Variants in PRR16 observed in about 807,000 individuals in gnomAD.
The protein encoded by PRR16 is protein Largen.
In PRR16, 6 loss-of-function variants were observed where a neutral mutation model predicts 18.2. The observed-to-expected ratio is 0.33, with a 90% CI of 0.18 to 0.65. The LOEUF is 0.65. Ranked by LOEUF, PRR16 falls within the 30% of genes least tolerant of loss-of-function variation. The pLI, the probability that PRR16 is intolerant of heterozygous loss-of-function variation, is 0.74. For synonymous variants in PRR16, 151 were observed against 147.8 expected, an observed-to-expected ratio of 1.02 and a Z score of -0.16; for missense variants, 412 against 376.6, an observed-to-expected ratio of 1.09 and a Z score of -0.78.
chr5:120,509,985 C>T (rs1356904512), intron 1 of PRR16, among the ~76,000 whole-genome samples: 1 of 152,092 alleles, frequency 6.6e-6, no homozygotes, highest in African/African-American at 2.4e-5. Flanking sequence ...GTTCTTTACA[C>T]ATCCATGTTT....
chr5:120,507,676 A>T (rs1750690179), intron 1 of PRR16, among the ~76,000 whole-genome samples: 1 of 152,046 alleles, frequency 6.6e-6, no homozygotes, highest in Admixed American at 6.6e-5. Flanking sequence ...TATTTTTTTA[A>T]TTAAAAGTTG....
At chr5:120,568,665 G>A (rs552821340) in intron 1 of PRR16, among the ~76,000 whole-genome samples, 3 of 151,988 alleles carry the variant, frequency 2.0e-5, no homozygotes, top group African/African-American at 4.8e-5. Context: ...TTAAAATTTT[G>A]TAGTGAACAG....
chr5:120,491,845 A>G (rs1750062759), intron 1 of PRR16, among the ~76,000 whole-genome samples: 1 of 152,102 alleles, frequency 6.6e-6, no homozygotes, highest in Non-Finnish European at 1.5e-5. Context: ...TGCCCAGCTG[A>G]CATACACTTT....
chr5:120,588,385 C>T (rs1013022140), intron 1 of PRR16, among the ~76,000 whole-genome samples: 3 of 152,134 alleles, frequency 2.0e-5, no homozygotes, highest in Admixed American at 6.6e-5. Flanking sequence ...AGTCCATTCA[C>T]GTGGCAAATT....
At chr5:120,763,652 C>A in the PRR16 span, among the ~76,000 whole-genome samples, 1 of 151,888 alleles carries the variant, frequency 6.6e-6, no homozygotes, top group Non-Finnish European at 1.5e-5. Flanking sequence ...ATAGTATGGT[C>A]GTTTTAACAA....
intron 1 of PRR16, among the ~76,000 whole-genome samples, chr5:120,485,037 G>A (rs2691099): frequency 1 from 151,775 of 152,002 alleles, 75,774 homozygotes; most frequent in East Asian, 1. Flanking sequence ...CTTTTGGAAA[G>A]TAATCTTTAC....
chr5:120,764,276 T>C, the PRR16 span, among the ~76,000 whole-genome samples: 1 of 152,254 alleles, frequency 6.6e-6, no homozygotes, highest in South Asian at 2.1e-4. Context: ...GAAATCATAT[T>C]GAATTTTACC....
At chr5:120,720,031 A>G in the PRR16 span, among the ~76,000 whole-genome samples, 1 of 152,120 alleles carries the variant, frequency 6.6e-6, no homozygotes, top group Admixed American at 6.6e-5. Flanking sequence ...TTTATCAGTT[A>G]CTTAGGCCCA....
chr5:120,623,910 T>C (rs993008042), intron 1 of PRR16, among the ~76,000 whole-genome samples: 5 of 151,878 alleles, frequency 3.3e-5, no homozygotes, highest in African/African-American at 1.2e-4. Context: ...ACATAATATA[T>C]AATAATATAT....
At chr5:120,781,099 AAC>A in the PRR16 span, 1 of 152,156 alleles carries the variant, frequency 6.6e-6, no homozygotes, top group Non-Finnish European at 1.5e-5. Flanking sequence ...ATATTATGTT[AAC>A]ATTTATTTCA....
At chr5:120,611,532 G>A (rs1182719912) in intron 1 of PRR16, among the ~76,000 whole-genome samples, 1 of 152,168 alleles carries the variant, frequency 6.6e-6, no homozygotes, top group Admixed American at 6.5e-5. Context: ...TGCCAGCCTT[G>A]GTTGAAAGGG....
intron 1 of PRR16, among the ~76,000 whole-genome samples, chr5:120,659,770 T>C (rs182263901): frequency 1.3e-5 from 2 of 152,124 alleles, no homozygotes; most frequent in Non-Finnish European, 2.9e-5. Context: ...TTGACATTCT[T>C]GGATCAAAAA....
chr5:120,721,589 G>C, the PRR16 span, among the ~76,000 whole-genome samples: 1 of 152,024 alleles, frequency 6.6e-6, no homozygotes, highest in Non-Finnish European at 1.5e-5. Flanking sequence ...AGAAAGAACA[G>C]GGAGGTCAGT....
chr5:120,693,066 A>C, the PRR16 span, among the ~76,000 whole-genome samples: 3 of 152,328 alleles, frequency 2.0e-5, no homozygotes, highest in East Asian at 5.8e-4. Context: ...TAGCCAAATA[A>C]ATATCATGAC....
chr5:120,656,353 A>G (rs1328431766), intron 1 of PRR16, among the ~76,000 whole-genome samples: 3 of 151,396 alleles, frequency 2.0e-5, no homozygotes, highest in Non-Finnish European at 4.4e-5. Flanking sequence ...TTCTTAACGG[A>G]TGTAAGATAA....
chr5:120,636,750 A>C (rs2112848894), intron 1 of PRR16, among the ~76,000 whole-genome samples: 1 of 152,296 alleles, frequency 6.6e-6, no homozygotes, highest in Middle Eastern at 3.4e-3. Flanking sequence ...AGAACCCAAA[A>C]GGAAATGCAA....
At chr5:120,521,571 T>C (rs997942499) in intron 1 of PRR16, among the ~76,000 whole-genome samples, 2 of 152,164 alleles carry the variant, frequency 1.3e-5, no homozygotes, top group African/African-American at 4.8e-5. Flanking sequence ...GTTTCAATAT[T>C]TGCAAACATT....
At chr5:120,649,751 A>C (rs1167016781) in intron 1 of PRR16, among the ~76,000 whole-genome samples, 1 of 152,100 alleles carries the variant, frequency 6.6e-6, no homozygotes, top group African/African-American at 2.4e-5. Context: ...CTTCAGTCTT[A>C]TTTCCCACTA....
the PRR16 span, among the ~76,000 whole-genome samples, chr5:120,714,346 A>G: frequency 1.3e-5 from 2 of 152,200 alleles, no homozygotes; most frequent in African/African-American, 4.8e-5. Flanking sequence ...AGTGGGAGGT[A>G]TAGAAATTTA....
Sources: allele counts gnomAD v4.1 joint callset (sites outside exome capture counted in the v4.1 genomes callset), GRCh38; gene constraint gnomAD v4.1.1; transcripts MANE v1.5; gene names NCBI Gene and HGNC (gene_info 2026-07-23, HGNC 2026-07-21).